MAF: variants seen among roughly 807,000 people sequenced by gnomAD.
MAF encodes the protein transcription factor Maf.
Under a neutral mutation model 22.0 loss-of-function variants are expected in MAF, and 10 were observed. The ratio of observed to expected loss-of-function variants is 0.45; its 90% CI spans 0.28 to 0.77. The LOEUF is 0.77. MAF is among the 30% of genes least tolerant of loss of function. MAF has a pLI of 0.12. For missense variants in MAF, 544 were observed against 548.4 expected, an observed-to-expected ratio of 0.99 and a Z score of 0.08; for synonymous variants, 337 against 255.8, an observed-to-expected ratio of 1.32 and a Z score of -3.03.
the MAF span, among the ~76,000 whole-genome samples, chr16:79,478,391 A>G: frequency 0.012 from 1,895 of 152,298 alleles, 14 homozygotes; most frequent in Middle Eastern, 0.031. Context: ...TGGTGGGACC[A>G]GAATGGGAGT....
the MAF span, among the ~76,000 whole-genome samples, chr16:79,208,261 C>T: frequency 6.6e-5 from 10 of 152,142 alleles, no homozygotes; most frequent in Non-Finnish European, 1.2e-4. Context: ...CCCAGAAATT[C>T]TCAGTCCTGT....
chr16:79,259,060 A>C, the MAF span, among the ~76,000 whole-genome samples: 1 of 152,152 alleles, frequency 6.6e-6, no homozygotes, highest in Admixed American at 6.5e-5. Context: ...ACATCCTGAC[A>C]ACCATCCCCT....
At chr16:79,377,446 G>C in the MAF span, among the ~76,000 whole-genome samples, 3 of 152,150 alleles carry the variant, frequency 2.0e-5, no homozygotes, top group Admixed American at 6.5e-5. Flanking sequence ...CAGATGAGTA[G>C]ATTGCAAAAA....
chr16:79,558,208 A>G, the MAF span, among the ~76,000 whole-genome samples: 3 of 152,306 alleles, frequency 2.0e-5, no homozygotes, highest in South Asian at 4.1e-4. Flanking sequence ...ACAGCCGGAA[A>G]GAGTGTGAAA....
At chr16:79,540,736 C>T in the MAF span, among the ~76,000 whole-genome samples, 1 of 152,192 alleles carries the variant, frequency 6.6e-6, no homozygotes, top group Non-Finnish European at 1.5e-5. Flanking sequence ...TGGAAATAAA[C>T]AATTCAGTAT....
chr16:79,528,018 C>T, the MAF span, among the ~76,000 whole-genome samples: 3 of 152,134 alleles, frequency 2.0e-5, no homozygotes, highest in Non-Finnish European at 2.9e-5. Context: ...TGGTGCGCAC[C>T]TGTAATCCCA....
At chr16:79,582,266 C>A (rs935804361), downstream of MAF, among the ~76,000 whole-genome samples, 1 of 152,192 alleles carries the variant, frequency 6.6e-6, no homozygotes, top group Non-Finnish European at 1.5e-5. Context: ...TAAACATTGG[C>A]ATCTGTGAAC....
the MAF span, among the ~76,000 whole-genome samples, chr16:79,311,817 C>A: frequency 6.6e-6 from 1 of 152,136 alleles, no homozygotes; most frequent in South Asian, 2.1e-4. Flanking sequence ...TGAAAGTGGT[C>A]GGCACTTCTG....
chr16:79,419,340 C>T, the MAF span, among the ~76,000 whole-genome samples: 1 of 152,164 alleles, frequency 6.6e-6, no homozygotes, highest in East Asian at 1.9e-4. Context: ...AATATTTCAC[C>T]TTTTCCTTAC....
the MAF span, among the ~76,000 whole-genome samples, chr16:79,387,512 C>T: frequency 6.6e-6 from 1 of 152,272 alleles, no homozygotes; most frequent in East Asian, 1.9e-4. Context: ...CTGGTTCATC[C>T]TTCTACATGA....
chr16:79,317,414 CCCT>C, the MAF span, among the ~76,000 whole-genome samples: 5 of 148,160 alleles, frequency 3.4e-5, no homozygotes, highest in South Asian at 4.4e-4. Flanking sequence ...ATCTCTCCCT[CCCT>C]CCTTTCTCCC....
chr16:79,237,047 T>G, the MAF span, among the ~76,000 whole-genome samples: 1 of 152,038 alleles, frequency 6.6e-6, no homozygotes, highest in African/African-American at 2.4e-5. Context: ...ATACTTGGAT[T>G]GCCAGAGTGT....
chr16:79,322,234 A>C, the MAF span, among the ~76,000 whole-genome samples: 1 of 152,092 alleles, frequency 6.6e-6, no homozygotes, highest in African/African-American at 2.4e-5. Context: ...CTTCACCTCA[A>C]AAGAAATAAT....
chr16:79,488,603 G>C, the MAF span, among the ~76,000 whole-genome samples: 1 of 152,158 alleles, frequency 6.6e-6, no homozygotes, highest in Non-Finnish European at 1.5e-5. Flanking sequence ...TAGGCTGCTA[G>C]AATTATTTTA....
chr16:79,542,745 G>C, the MAF span, among the ~76,000 whole-genome samples: 3 of 152,278 alleles, frequency 2.0e-5, no homozygotes, highest in African/African-American at 7.2e-5. Flanking sequence ...TCCCCTTTGG[G>C]ACTCATACCT....
chr16:79,320,437 C>T, the MAF span, among the ~76,000 whole-genome samples: 4 of 152,138 alleles, frequency 2.6e-5, no homozygotes, highest in African/African-American at 7.2e-5. Flanking sequence ...GTGGGGATGC[C>T]GTTGGTCAGC....
the MAF span, among the ~76,000 whole-genome samples, chr16:79,250,181 A>T: frequency 1.3e-5 from 2 of 152,230 alleles, no homozygotes; most frequent in African/African-American, 2.4e-5. Flanking sequence ...CAATCCAGGG[A>T]TTCTGGGTCC....
At chr16:79,412,190 G>C in the MAF span, among the ~76,000 whole-genome samples, 1 of 152,206 alleles carries the variant, frequency 6.6e-6, no homozygotes, top group African/African-American at 2.4e-5. Context: ...GTACAATATG[G>C]CAAAGATGAG....
At chr16:79,257,874 A>C in the MAF span, among the ~76,000 whole-genome samples, 1 of 152,208 alleles carries the variant, frequency 6.6e-6, no homozygotes, top group Admixed American at 6.5e-5. Context: ...AAAGGCATAG[A>C]GATGTGTATA....
Sources: gnomAD v4.1 joint callset for allele counts (sites outside exome capture counted in the v4.1 genomes callset) on GRCh38, gnomAD v4.1.1 for gene constraint, MANE v1.5 for transcripts, NCBI Gene and HGNC (gene_info 2026-07-23, HGNC 2026-07-21) for gene names.